The following DTWD2 variants were observed in gnomAD, a reference collection of about 807,000 sequenced individuals.
DTWD2 encodes tRNA-uridine aminocarboxypropyltransferase 2.
In DTWD2, 39 loss-of-function variants were observed where a neutral mutation model predicts 31.8. The ratio of observed to expected loss-of-function variants is 1.22; its 90% CI spans 0.95 to 1.60. The LOEUF (loss-of-function observed/expected upper bound fraction) is 1.60, where lower values mean the gene tolerates loss of function less well. Among genes scored for constraint, DTWD2 ranks in the 40% most tolerant of loss-of-function variants. The probability of loss-of-function intolerance (pLI) is 0.00; values close to 1 mark genes in which losing one functional copy is unlikely to be tolerated. For synonymous variants in DTWD2, 180 were observed against 142.8 expected, an observed-to-expected ratio of 1.26 and a Z score of -1.86; for missense variants, 515 against 381.5, an observed-to-expected ratio of 1.35 and a Z score of -2.92.
At chr5:118,914,841 A>G (rs1181656706) in intron 4 of DTWD2, among the ~76,000 whole-genome samples, 6 of 152,224 alleles carry the variant, frequency 3.9e-5, no homozygotes, top group African/African-American at 1.4e-4. Context: ...CAAAGGAGTA[A>G]GGCCATTTGG....
At chr5:118,951,051 T>A (rs1304327994) in intron 1 of DTWD2, among the ~76,000 whole-genome samples, 4 of 151,746 alleles carry the variant, frequency 2.6e-5, no homozygotes, top group African/African-American at 9.7e-5. Flanking sequence ...TCATATTTGA[T>A]GAAAAAAAGC....
At chr5:118,984,350 A>G (rs1186732393) in intron 1 of DTWD2, among the ~76,000 whole-genome samples, 1 of 151,604 alleles carries the variant, frequency 6.6e-6, no homozygotes, top group East Asian at 1.9e-4. Context: ...AGTCCCAGCT[A>G]CTCTGGAGGC....
chr5:118,950,018 G>A (rs922251049), intron 1 of DTWD2, among the ~76,000 whole-genome samples: 1 of 152,150 alleles, frequency 6.6e-6, no homozygotes, highest in East Asian at 1.9e-4. Context: ...AGACCATCCT[G>A]GCTAACATGG....
intron 1 of DTWD2, among the ~76,000 whole-genome samples, chr5:118,977,868 T>C (rs1042741265): frequency 2.0e-5 from 3 of 152,080 alleles, no homozygotes; most frequent in South Asian, 2.1e-4. Flanking sequence ...AGAACCCAAA[T>C]AGCCAAGACA....
At chr5:118,968,995 C>T (rs1754920063) in intron 1 of DTWD2, among the ~76,000 whole-genome samples, 3 of 152,194 alleles carry the variant, frequency 2.0e-5, no homozygotes. Flanking sequence ...GCCGGCTCCT[C>T]TGGGGAGTCC....
chr5:118,894,954 C>T (rs1208621668), intron 4 of DTWD2, among the ~76,000 whole-genome samples: 1 of 151,950 alleles, frequency 6.6e-6, no homozygotes, highest in African/African-American at 2.4e-5. Context: ...TGGAACAAGA[C>T]AAGAAAGCAC....
chr5:118,966,082 A>G (rs1754840932), intron 1 of DTWD2, among the ~76,000 whole-genome samples: 1 of 152,182 alleles, frequency 6.6e-6, no homozygotes, highest in East Asian at 1.9e-4. Context: ...ACTCATAAAG[A>G]TATCAGCTAC....
chr5:118,950,695 T>C (rs1488693326), intron 1 of DTWD2, among the ~76,000 whole-genome samples: 1 of 152,228 alleles, frequency 6.6e-6, no homozygotes, highest in Non-Finnish European at 1.5e-5. Context: ...GAGGAGGTCC[T>C]GAAGGAATGC....
intron 4 of DTWD2, among the ~76,000 whole-genome samples, chr5:118,902,794 T>C (rs369138830): frequency 4.6e-5 from 7 of 152,208 alleles, no homozygotes; most frequent in African/African-American, 1.7e-4. Flanking sequence ...ATGGTTGCCA[T>C]ATGGATCTTG....
At chr5:118,860,175 C>T (rs1426443414) in intron 4 of DTWD2, among the ~76,000 whole-genome samples, 1 of 149,350 alleles carries the variant, frequency 6.7e-6, no homozygotes, top group Non-Finnish European at 1.5e-5. Context: ...ACTGCTATAA[C>T]TCATTATATA....
intron 1 of DTWD2, chr5:118,974,064 C>G: frequency 6.2e-7 from 1 of 1,606,134 alleles, no homozygotes; most frequent in Non-Finnish European, 8.5e-7. Context: ...AAGCGGGCAG[C>G]TGAAGATGAT....
Position 118,836,873 on chromosome 5 carries a change from C to T in DTWD2, c.*4044G>A, listed in dbSNP as rs973758012. ...CTCCAGACTTAGAAGAAATAAATTTCTGTTTTTTATAAGCTATCCAGTCTC... is the reference window on the plus strand; with the variant it reads ...CTCCAGACTTAGAAGAAATAAATTTTTGTTTTTTATAAGCTATCCAGTCTC... On this transcript the variant is annotated 3_prime_UTR_variant, in exon 6 of 6. Transcript: ENST00000510708. 6.6e-6 allele frequency among the ~76,000 whole-genome samples: 1 copy of T among 152,160 alleles called. No individual in the cohort carries two copies. The highest frequency in any genetic ancestry group is 2.4e-5 in the African/African-American group (1 of 41,436).
intron 4 of DTWD2, among the ~76,000 whole-genome samples, chr5:118,920,996 A>G (rs745433275): frequency 4.6e-5 from 7 of 152,110 alleles, no homozygotes; most frequent in Admixed American, 1.3e-4. Flanking sequence ...ATCTCTAATA[A>G]CCCTTTTTAA....
At chr5:118,848,328 G>C in intron 4 of DTWD2, 110 bp from the exon 5 acceptor site, 1 of 916,414 alleles carries the variant, frequency 1.1e-6, no homozygotes. Context: ...CAGCTTAGAA[G>C]TACTAAATGT....
At chr5:118,866,081 A>T (rs1439053419) in intron 4 of DTWD2, among the ~76,000 whole-genome samples, 1 of 151,956 alleles carries the variant, frequency 6.6e-6, no homozygotes, top group Non-Finnish European at 1.5e-5. Flanking sequence ...TTAGAACCAA[A>T]ATGCCTTAAC....
intron 4 of DTWD2, among the ~76,000 whole-genome samples, chr5:118,890,733 G>C (rs1752961365): frequency 6.6e-6 from 1 of 151,938 alleles, no homozygotes; most frequent in East Asian, 1.9e-4. Flanking sequence ...ACCACACCCA[G>C]GTAATTTTTG....
intron 4 of DTWD2, among the ~76,000 whole-genome samples, chr5:118,860,640 G>A (rs1419059821): frequency 6.6e-6 from 1 of 152,058 alleles, no homozygotes; most frequent in Non-Finnish European, 1.5e-5. Flanking sequence ...AACAATACAT[G>A]AAAGCACAAG....
In DTWD2 at chr5:118,985,517, T is replaced by TATATATAC. The variant is rs1554072595; in HGVS notation, c.218+2776_218+2777insGTATATAT. 4.7e-3 allele frequency among the ~76,000 whole-genome samples: 510 copies of TATATATAC among 107,704 alleles called. 3 individuals carry two copies. Among genetic ancestry groups the TATATATAC allele is most frequent in the Middle Eastern group, 0.017 (3 of 176 alleles). The allele number at this position is 107,704 out of a possible 152,430, so 70.7% of individuals were successfully genotyped here. On this transcript the variant is annotated intron_variant, in intron 1 of 5. Coordinates refer to ENST00000510708, the MANE Select transcript of DTWD2 (RefSeq NM_173666.4). ...ATATATATATATATATATATATATA[T>TATATATAC]ACACACACATATATACATACATATA...
intron 4 of DTWD2, among the ~76,000 whole-genome samples, chr5:118,891,592 C>T (rs1752978700): frequency 6.6e-6 from 1 of 152,146 alleles, no homozygotes; most frequent in South Asian, 2.1e-4. Context: ...CAATTAGAGG[C>T]TTAAACACCA....
Sources: allele counts gnomAD v4.1 joint callset (sites outside exome capture counted in the v4.1 genomes callset), GRCh38; gene constraint gnomAD v4.1.1; transcripts MANE v1.5; gene names NCBI Gene and HGNC (gene_info 2026-07-23, HGNC 2026-07-21).